SMTNL2: variants seen among roughly 807,000 people sequenced by gnomAD.
SMTNL2 encodes the protein smoothelin-like protein 2.
Under a neutral mutation model 44.1 loss-of-function variants are expected in SMTNL2, and 43 were observed. The ratio of observed to expected loss-of-function variants is 0.98; its 90% CI spans 0.76 to 1.26. SMTNL2 has a LOEUF of 1.26. SMTNL2 is among the 50% of genes most tolerant of loss of function. The pLI is 0.00. For missense variants in SMTNL2, 646 were observed against 670.2 expected, an observed-to-expected ratio of 0.96 and a Z score of 0.40; for synonymous variants, 317 against 287.6, an observed-to-expected ratio of 1.10 and a Z score of -1.03.
Position 4,598,393 on chromosome 17 carries a change from C to T in SMTNL2, c.1259+1070C>T, listed in dbSNP as rs149839843. Among the ~76,000 whole-genome samples, 89 of 152,262 alleles carry T rather than the reference C, an allele frequency of 5.8e-4. No individual in the cohort carries two copies. The highest frequency in any genetic ancestry group is 3.4e-3 in the Middle Eastern group (1 of 294). ...TCTGAAGCTCAGAGAGAAGTAAGGC[C>T]GTCCCCAAAGCCGAGTCTTCTGGAG... On this transcript the variant is annotated intron_variant, in intron 7 of 7. Coordinates refer to ENST00000389313, the MANE Select transcript of SMTNL2 (RefSeq NM_001114974.2). The surrounding 1 kb of genome is among the most constrained non-coding windows in gnomAD (Gnocchi z 4.8).
intron 7 of SMTNL2, among the ~76,000 whole-genome samples, chr17:4,606,700 A>G (rs1338286130): frequency 6.6e-6 from 1 of 151,448 alleles, no homozygotes; most frequent in Non-Finnish European, 1.5e-5. Flanking sequence ...AGGTCAGGAG[A>G]TCGAGACCAG....
At chr17:4,601,883 T>A (rs550079989) in intron 7 of SMTNL2, among the ~76,000 whole-genome samples, 2 of 152,220 alleles carry the variant, frequency 1.3e-5, no homozygotes, top group Admixed American at 6.5e-5. Flanking sequence ...TTTTTTTTAA[T>A]TTAAAAGGCA....
chr17:4,590,249 G>A (rs1223302881), intron 1 of SMTNL2, among the ~76,000 whole-genome samples: 2 of 151,932 alleles, frequency 1.3e-5, no homozygotes, highest in African/African-American at 2.4e-5. Flanking sequence ...TGACAGGCGT[G>A]AGCCACCGCG....
In SMTNL2 at chr17:4,596,540, T is replaced by A. The variant is rs556596688; in HGVS notation, c.990-320T>A. Among the ~76,000 whole-genome samples the A allele has an allele frequency of 2.0e-5, 3 of 152,340 alleles. No homozygotes were observed. In the South Asian group the frequency reaches 6.2e-4, roughly 32 times the overall value. ...CAGAAGGCAGGGGCCCAGGGCCATGTGAGCCAAGGTCTTCTGTCTCAGGAT... is the reference window on the plus strand; with the variant it reads ...CAGAAGGCAGGGGCCCAGGGCCATGAGAGCCAAGGTCTTCTGTCTCAGGAT... On this transcript the variant is annotated intron_variant, in intron 5 of 7. Transcript: ENST00000389313.
rs1306403793 is a variant in SMTNL2, at chr17:4,595,403, A to C, written c.989+76A>C. On this transcript the variant is annotated intron_variant, in intron 5 of 7. Coordinates refer to ENST00000389313, the MANE Select transcript of SMTNL2 (RefSeq NM_001114974.2). The surrounding 1 kb of genome is among the most constrained non-coding windows in gnomAD (Gnocchi z 5.1). ...CAGACGGGGCTTGGGTGGGTGCAGC[A>C]GGGCAAGGTTCAGCCCTGTCCTGTT... 2.6e-6 allele frequency: 4 copies of C among 1,550,002 alleles called. No homozygotes were observed. The highest frequency in any genetic ancestry group is 2.6e-6 in the Non-Finnish European group (3 of 1,144,484).
chr17:4,594,381 G>A (rs1318988018), intron 4 of SMTNL2, among the ~76,000 whole-genome samples: 3 of 152,040 alleles, frequency 2.0e-5, no homozygotes, highest in Non-Finnish European at 4.4e-5. Flanking sequence ...CTCGGGAAGC[G>A]GAGTTTGCAG....
intron 7 of SMTNL2, among the ~76,000 whole-genome samples, chr17:4,599,736 T>G (rs1233087507): frequency 6.6e-6 from 1 of 152,234 alleles, no homozygotes; most frequent in Non-Finnish European, 1.5e-5. Flanking sequence ...CCAGAGCGAT[T>G]CCGGGCTGTG....
intron 4 of SMTNL2, among the ~76,000 whole-genome samples, chr17:4,594,872 G>C (rs1166202789): frequency 2.0e-5 from 3 of 152,158 alleles, no homozygotes; most frequent in Non-Finnish European, 4.4e-5. Context: ...GGGTCCCTCT[G>C]TCCTCCCCAG....
intron 7 of SMTNL2, among the ~76,000 whole-genome samples, chr17:4,597,563 G>C (rs1298712926): frequency 6.6e-6 from 1 of 152,110 alleles, no homozygotes; most frequent in Non-Finnish European, 1.5e-5. Flanking sequence ...CTGGGGACCT[G>C]CCCTTTTTGC....
intron 1 of SMTNL2, among the ~76,000 whole-genome samples, chr17:4,588,068 C>G (rs1483499711): frequency 6.6e-6 from 1 of 152,236 alleles, no homozygotes; most frequent in Non-Finnish European, 1.5e-5. Context: ...CTTCCTTTCC[C>G]AGACACACTG....
In SMTNL2 at chr17:4,592,305, G is replaced by C. The variant is rs1226338223; in HGVS notation, c.400-56G>C. 1.3e-6 allele frequency: 2 copies of C among 1,565,216 alleles called. No homozygotes were observed. Among genetic ancestry groups the C allele is most frequent in the African/African-American group, 1.4e-5 (1 of 73,784 alleles). On this transcript the variant is annotated intron_variant, in intron 1 of 7. Transcript: ENST00000389313. This position sits in a 1 kb window ranked among gnomAD's most constrained non-coding sequence, Gnocchi z 4.5. ...GGGATTTGGGGGTGGGCAGCTTTTG[G>C]GGGTGGGCAGCTGGCCCTAGCTGAT...
chr17:4,606,221 A>T (rs1910272935), intron 7 of SMTNL2, among the ~76,000 whole-genome samples: 1 of 151,872 alleles, frequency 6.6e-6, no homozygotes, highest in Non-Finnish European at 1.5e-5. Flanking sequence ...TCCTGGGTTC[A>T]AGCAATTCTC....
In SMTNL2 at chr17:4,584,670, C is replaced by A. The variant is rs986796447; in HGVS notation, c.65C>A (p.Ala22Glu). 3.1e-6 allele frequency: 4 copies of A among 1,276,366 alleles called. No homozygotes were observed. The highest frequency in any genetic ancestry group is 8.5e-5 in the Admixed American group (2 of 23,608). 79.1% of individuals were successfully genotyped at this position (1,276,366 alleles called of 1,614,324 possible). Residue 22 changes from alanine to glutamate, a missense_variant, in exon 1 of 8, where the codon GCG (alanine) becomes GAG (glutamate). Coordinates refer to ENST00000389313, the MANE Select transcript of SMTNL2 (RefSeq NM_001114974.2). The part of the protein sequence containing the change: ...TVREALGRYE[A>E]ALEGAVRALH... ...CGCGAGGCGCTGGGCCGCTACGAGGCGGCGCTGGAGGGTGCGGTGCGCGCG... is the reference window on the plus strand; with the variant it reads ...CGCGAGGCGCTGGGCCGCTACGAGGAGGCGCTGGAGGGTGCGGTGCGCGCG...
intron 7 of SMTNL2, among the ~76,000 whole-genome samples, chr17:4,605,153 GTTTTTTTT>G (rs753950451): frequency 6.1e-5 from 5 of 82,250 alleles, no homozygotes; most frequent in African/African-American, 2.2e-4. Flanking sequence ...TTTTTGTTTG[GTTTTTTTT>G]TTTTTTTTTT....
At chr17:4,603,549 C>A (rs936326660) in intron 7 of SMTNL2, among the ~76,000 whole-genome samples, 5 of 152,034 alleles carry the variant, frequency 3.3e-5, no homozygotes, top group African/African-American at 1.2e-4. Context: ...TGAGGCAGGG[C>A]CTTTATAGAG....
rs1910315611 is a variant in SMTNL2 at position 4,607,285 on chromosome 17, A to C, written c.1260-76A>C. The C allele has an allele frequency of 3.8e-6, 6 of 1,593,630 alleles. No individual in the cohort carries two copies. In the South Asian group the frequency reaches 6.7e-5, roughly 18 times the overall value. On this transcript the variant is annotated intron_variant, in intron 7 of 7. Coordinates refer to ENST00000389313, the MANE Select transcript of SMTNL2 (RefSeq NM_001114974.2). This position sits in a 1 kb window ranked among gnomAD's most constrained non-coding sequence, Gnocchi z 4.7. ...CGGCTGAGCTCTGTTCCCGGGACCG[A>C]GACACCGGCCCTGTCGCGGCTGTGG...
In SMTNL2 at chr17:4,592,079, T is replaced by C. The variant is rs1026939228; in HGVS notation, c.400-282T>C. ...GAAAAGGTGAGGGGGCCTAATGTCA[T>C]TGGAACCCTCCATCTTGACTTCTGT... On this transcript the variant is annotated intron_variant, in intron 1 of 7. Transcript: ENST00000389313. The surrounding 1 kb of genome is among the most constrained non-coding windows in gnomAD (Gnocchi z 4.5). 3.9e-5 allele frequency among the ~76,000 whole-genome samples: 6 copies of C among 152,148 alleles called. No homozygotes were observed. Among genetic ancestry groups the C allele is most frequent in the Non-Finnish European group, 8.8e-5 (6 of 68,030 alleles).
At position 4,585,733 on chromosome 17, in the gene SMTNL2, G is replaced by A. The variant is rs149246825; in HGVS notation, c.399+729G>A. 6.6e-5 allele frequency among the ~76,000 whole-genome samples: 10 copies of A among 152,358 alleles called. No homozygotes were observed. The East Asian group carries it at 1.7e-3, about 26-fold the overall frequency. Reference sequence around the variant, plus strand: ...GAATGTGTCCATGGTGTGTGCAGTGGCCCTTGGGTGGGATTTTCCATCCTG... The same window carrying A: ...GAATGTGTCCATGGTGTGTGCAGTGACCCTTGGGTGGGATTTTCCATCCTG... On this transcript the variant is annotated intron_variant, in intron 1 of 7. Transcript: ENST00000389313.
intron 1 of SMTNL2, among the ~76,000 whole-genome samples, chr17:4,589,232 G>A (rs968897178): frequency 4.0e-5 from 6 of 151,270 alleles, no homozygotes; most frequent in African/African-American, 1.2e-4. Context: ...AGGCATCTGC[G>A]GAGGGCCTCC....
Sources: gnomAD v4.1 joint callset for allele counts (sites outside exome capture counted in the v4.1 genomes callset) on GRCh38, gnomAD v4.1.1 for gene constraint, Gnocchi (gnomAD v3.1) non-coding constraint, MANE v1.5 for transcripts, NCBI Gene and HGNC (gene_info 2026-07-23, HGNC 2026-07-21) for gene names.